GPHN: variants seen among roughly 807,000 people sequenced by gnomAD.
GPHN encodes the protein gephyrin.
Under a neutral mutation model 95.5 loss-of-function variants are expected in GPHN, and 17 were observed. The ratio of observed to expected loss-of-function variants is 0.18; its 90% CI spans 0.12 to 0.27. GPHN has a LOEUF of 0.27. Among genes scored for constraint, GPHN ranks in the 10% least tolerant of loss-of-function variants. The pLI, the probability that GPHN is intolerant of heterozygous loss-of-function variation, is 1.00. For synonymous variants in GPHN, 320 were observed against 322.5 expected, an observed-to-expected ratio of 0.99 and a Z score of 0.08; for missense variants, 660 against 978.1, an observed-to-expected ratio of 0.67 and a Z score of 4.34.
At chr14:66,914,098 G>A (rs908446809) in intron 5 of GPHN, among the ~76,000 whole-genome samples, 1 of 152,070 alleles carries the variant, frequency 6.6e-6, no homozygotes, top group East Asian at 1.9e-4. Context: ...TCTCCTGGCT[G>A]TATAGAAACC....
intron 1 of GPHN, among the ~76,000 whole-genome samples, chr14:66,552,802 A>T (rs1316267224): frequency 6.6e-6 from 1 of 152,122 alleles, no homozygotes; most frequent in African/African-American, 2.4e-5. Context: ...TTTCTCCCAT[A>T]CATGATGTCT....
chr14:66,754,750 T>C (rs2058497330), intron 2 of GPHN, among the ~76,000 whole-genome samples: 1 of 152,050 alleles, frequency 6.6e-6, no homozygotes, highest in Non-Finnish European at 1.5e-5. Context: ...AACATTAAAA[T>C]AGCCTTTTGA....
the GPHN span, among the ~76,000 whole-genome samples, chr14:67,411,136 CAAAAAAAA>C: frequency 1.9e-5 from 1 of 52,072 alleles, no homozygotes; most frequent in Admixed American, 1.9e-4. Context: ...GACCCTGTCT[CAAAAAAAA>C]AAAAAAAAAA....
At chr14:67,156,213 T>C (rs1311308340) in intron 18 of GPHN, among the ~76,000 whole-genome samples, 1 of 152,186 alleles carries the variant, frequency 6.6e-6, no homozygotes, top group Non-Finnish European at 1.5e-5. Flanking sequence ...GCTTAAAATA[T>C]GAATACTATA....
intron 3 of GPHN, among the ~76,000 whole-genome samples, chr14:66,799,702 T>C (rs549191982): frequency 6.6e-6 from 1 of 152,126 alleles, no homozygotes; most frequent in South Asian, 2.1e-4. Context: ...ATGGTGTCTT[T>C]GTAGGTGAAG....
intron 16 of GPHN, among the ~76,000 whole-genome samples, chr14:67,115,750 A>G (rs2078652540): frequency 6.6e-6 from 1 of 151,752 alleles, no homozygotes; most frequent in Admixed American, 6.6e-5. Flanking sequence ...AAAAAAAAAG[A>G]TATATATGGT....
At chr14:67,632,916 G>T in the GPHN span, among the ~76,000 whole-genome samples, 1 of 143,182 alleles carries the variant, frequency 7.0e-6, no homozygotes, top group Non-Finnish European at 1.5e-5. Flanking sequence ...CGCCTCCCGG[G>T]TTCACACCAT....
At chr14:67,246,278 C>CA in the GPHN span, among the ~76,000 whole-genome samples, 1 of 151,332 alleles carries the variant, frequency 6.6e-6, no homozygotes, top group Non-Finnish European at 1.5e-5. Flanking sequence ...ACAGGCGTGC[C>CA]ACCGCACTTG....
At chr14:66,863,126 A>C (rs1159969680) in intron 4 of GPHN, among the ~76,000 whole-genome samples, 1 of 152,140 alleles carries the variant, frequency 6.6e-6, no homozygotes. Context: ...AAATTCAGTA[A>C]AGTGGCAGGT....
the GPHN span, chr14:67,593,216 G>C: frequency 6.1e-6 from 1 of 164,780 alleles, no homozygotes; most frequent in Non-Finnish European, 1.3e-5. Flanking sequence ...AGGGCCAGGC[G>C]TAGTGGCTCA....
rs1170981660 is a variant in GPHN, at chr14:67,165,250, T to C, written c.1975+24T>C. 3 of 1,550,188 alleles carry C rather than the reference T, an allele frequency of 1.9e-6. No individual in the cohort carries two copies. The East Asian group carries it at 6.7e-5, about 35-fold the overall frequency. On this transcript the variant is annotated intron_variant, in intron 20 of 22. Transcript: ENST00000478722. ...TGGTAAGAATAACAAATTGTTTCCTTTCCTTTTTCTGGAAAAATAGCCAAA... is the reference window on the plus strand; with the variant it reads ...TGGTAAGAATAACAAATTGTTTCCTCTCCTTTTTCTGGAAAAATAGCCAAA...
At chr14:66,750,247 T>C (rs1214342626) in intron 2 of GPHN, among the ~76,000 whole-genome samples, 5 of 152,098 alleles carry the variant, frequency 3.3e-5, no homozygotes, top group East Asian at 1.9e-4. Flanking sequence ...TTTGAATTAA[T>C]TTTTGTGAAG....
At chr14:66,950,167 G>A (rs2153578314) in intron 8 of GPHN, among the ~76,000 whole-genome samples, 1 of 152,220 alleles carries the variant, frequency 6.6e-6, no homozygotes, top group Middle Eastern at 3.4e-3. Context: ...GGGACAAATT[G>A]TTTCCTCCAT....
the GPHN span, chr14:67,555,954 C>T: frequency 6.3e-7 from 1 of 1,581,016 alleles, no homozygotes; most frequent in South Asian, 1.2e-5. Flanking sequence ...AGGCCCTTCC[C>T]ACGGACACAG....
At chr14:67,137,807 G>A (rs928873451) in intron 17 of GPHN, among the ~76,000 whole-genome samples, 27 of 152,002 alleles carry the variant, frequency 1.8e-4, no homozygotes, top group African/African-American at 6.0e-4. Flanking sequence ...GAATGGCTAA[G>A]CACCATCCAA....
intron 10 of GPHN, among the ~76,000 whole-genome samples, chr14:67,058,172 T>C (rs560157009): frequency 1.3e-5 from 2 of 152,350 alleles, no homozygotes; most frequent in African/African-American, 4.8e-5. Context: ...AAATGAGTTA[T>C]AAATAAGTTT....
the GPHN span, among the ~76,000 whole-genome samples, chr14:67,484,062 T>C: frequency 6.6e-6 from 1 of 152,238 alleles, no homozygotes; most frequent in Admixed American, 6.5e-5. Context: ...AGATCTCAGC[T>C]GAGCTGTCAT....
chr14:67,729,463 T>C, the GPHN span: 3 of 1,387,396 alleles, frequency 2.2e-6, no homozygotes, highest in African/African-American at 4.2e-5. Context: ...CCTGAGAAGC[T>C]GAGTTTGTGC....
At chr14:66,621,864 G>C (rs1453510525) in intron 1 of GPHN, among the ~76,000 whole-genome samples, 1 of 152,164 alleles carries the variant, frequency 6.6e-6, no homozygotes, top group Non-Finnish European at 1.5e-5. Context: ...CATCCCAGCT[G>C]CTTTCATTGG....
Sources: allele counts gnomAD v4.1 joint callset (sites outside exome capture counted in the v4.1 genomes callset), GRCh38; gene constraint gnomAD v4.1.1; transcripts MANE v1.5; gene names NCBI Gene and HGNC (gene_info 2026-07-23, HGNC 2026-07-21).